The following SHPK variants were observed in gnomAD, a reference collection of about 807,000 sequenced individuals.
The protein encoded by SHPK is sedoheptulokinase, also known as carbohydrate kinase-like protein.
In SHPK, 51 loss-of-function variants were observed where a neutral mutation model predicts 46.3. The observed-to-expected ratio is 1.10, with a 90% CI of 0.88 to 1.39. The LOEUF is 1.39. SHPK is among the 40% of genes most tolerant of loss of function. The pLI is 0.00. For missense variants in SHPK, 668 were observed against 641.3 expected (o/e 1.04, Z -0.45); for synonymous variants, 290 against 273.9 (o/e 1.06, Z -0.58).
At chr17:3,615,911 A>G (rs574881303) in intron 5 of SHPK, among the ~76,000 whole-genome samples, 1 of 146,490 alleles carries the variant, frequency 6.8e-6, no homozygotes, top group African/African-American at 2.6e-5. Flanking sequence ...CTGGAGTGCA[A>G]TGGTGCGATC....
At chr17:3,621,140 C>T (rs1217562388) in intron 5 of SHPK, 97 bp downstream of exon 5, 2 of 1,020,758 alleles carry the variant, frequency 2.0e-6, no homozygotes, top group African/African-American at 3.3e-5. Context: ...GATGCCAAGA[C>T]TGCTAAGCTC....
At chr17:3,626,879 G>A (rs1368817440) in intron 2 of SHPK, among the ~76,000 whole-genome samples, 2 of 151,220 alleles carry the variant, frequency 1.3e-5, no homozygotes. Context: ...TGGGTGACAA[G>A]AGCAAGACTC....
intron 2 of SHPK, 151 bp from the exon 3 acceptor site, chr17:3,624,382 T>G: frequency 2.8e-6 from 2 of 703,006 alleles, no homozygotes; most frequent in Middle Eastern, 3.9e-4. Flanking sequence ...TAGCACTGGC[T>G]TTAGTACTTG....
At position 3,636,015 on chromosome 17, in the gene SHPK, C is replaced by T. The variant is rs764782028; in HGVS notation, c.168+37G>A. 1.0e-4 allele frequency: 158 copies of T among 1,507,094 alleles called. No individual in the cohort carries two copies. The Middle Eastern group carries it at 3.5e-3, about 33-fold the overall frequency. The allele number at this position is 1,507,094 out of a possible 1,614,324, so 93.4% of individuals were successfully genotyped here. On this transcript the variant is annotated intron_variant, in intron 1 of 6. Coordinates refer to ENST00000225519, the MANE Select transcript of SHPK (RefSeq NM_013276.4). The stretch of plus-strand genomic sequence containing the variant: ...GGGGTGGAAAAGGGTGGTCAGGAGG[C>T]TCCTGGAGGCGGCGCGGCCCCGGGG...
chr17:3,630,316 G>C lies in SHPK; in HGVS notation c.199C>G (p.Gln67Glu), dbSNP rs1050170434. The C allele has an allele frequency of 6.2e-7, 1 of 1,613,290 alleles. No homozygotes were observed. Among genetic ancestry groups the C allele is most frequent in the Non-Finnish European group, 8.5e-7 (1 of 1,179,880 alleles). Residue 67 changes from glutamine (Q) to glutamate (E), a missense_variant, in exon 2 of 7, where the codon CAA becomes GAA. Transcript: ENST00000225519. ...GREQDVSRIL[Q>E]ALHECLAALP... ...GCAGCAAGGCACTCGTGTAGGGCTT[G>C]GAGGATTCTACTCACATCCTGCTCC...
At chr17:3,621,485 T>C in intron 4 of SHPK, 73 bp from the exon 5 acceptor site, 2 of 1,385,848 alleles carry the variant, frequency 1.4e-6, no homozygotes, top group Non-Finnish European at 2.0e-6. Context: ...CTTCCTTCCT[T>C]CCTCCCTTCC....
rs774951113 is a variant in SHPK at position 3,615,428 on chromosome 17, G to A, written c.933C>T (p.Asn311=). The A allele has an allele frequency of 9.9e-6, 16 of 1,614,062 alleles. No individual in the cohort carries two copies. The highest frequency in any genetic ancestry group is 1.3e-5 in the African/African-American group (1 of 74,916). Residue 311 remains asparagine, a synonymous_variant, in exon 6 of 7, where the codon AAC becomes AAT. Transcript: ENST00000225519. ...ACGCGGCCACCCCCAGGTAGGTCCT[G>A]TTGAAGTATGGGAAGTAGGCGACTG... ...TAPVAYFPYF[N]RTYLGVAASL... is the part of the protein sequence containing the mutation.
At chr17:3,632,594 G>T (rs2075479418) in intron 1 of SHPK, among the ~76,000 whole-genome samples, 1 of 152,176 alleles carries the variant, frequency 6.6e-6, no homozygotes, top group Non-Finnish European at 1.5e-5. Context: ...TTAGGGGCGG[G>T]TGTGATTGGG....
rs528447256 is a variant in SHPK at position 3,613,659 on chromosome 17, G to A, written c.1024+1678C>T. On this transcript the variant is annotated intron_variant, in intron 6 of 6. Coordinates refer to ENST00000225519, the MANE Select transcript of SHPK (RefSeq NM_013276.4). ...GCTGGGATTACAGGCATGAGCCACCGCGCCTGGCTATTTTATTTTTTAAAT... is the reference window on the plus strand; with the variant it reads ...GCTGGGATTACAGGCATGAGCCACCACGCCTGGCTATTTTATTTTTTAAAT... 1.2e-4 allele frequency among the ~76,000 whole-genome samples: 18 copies of A among 152,226 alleles called. No individual in the cohort carries two copies. In the East Asian group the frequency reaches 2.3e-3, roughly 20 times the overall value.
intron 1 of SHPK, among the ~76,000 whole-genome samples, chr17:3,634,571 CAAA>C (rs11311796): frequency 6.7e-5 from 6 of 89,760 alleles, no homozygotes; most frequent in Non-Finnish European, 4.3e-5. Flanking sequence ...GACCCTGTCT[CAAA>C]AAAAAAAAAA....
At position 3,636,247 on chromosome 17, in the gene SHPK, C is replaced by G. The variant is rs781454620; in HGVS notation, c.-28G>C. On this transcript the variant is annotated 5_prime_UTR_variant, in exon 1 of 7. Coordinates refer to ENST00000225519, the MANE Select transcript of SHPK (RefSeq NM_013276.4). ...TCTCCCTGACCCGCGCAGCTCCAGT[C>G]TGCAGCCAGCGGCCCCACAAGTCCG... The G allele has an allele frequency of 6.4e-7, 1 of 1,574,154 alleles. No homozygotes were observed. Among genetic ancestry groups the G allele is most frequent in the Admixed American group, 1.8e-5 (1 of 55,938 alleles).
Position 3,621,298 on chromosome 17 carries a change from T to A in SHPK, c.762A>T (p.Gly254=). ...AGGCCTGTAAATCACCCAAGGCCACTCCCACCTGCGTCCCCTTTGGGATTT... is the reference window on the plus strand; with the variant it reads ...AGGCCTGTAAATCACCCAAGGCCACACCCACCTGCGTCCCCTTTGGGATTT... ...WFEIPKGTQV[G]VALGDLQASV... Residue 254 remains glycine, a synonymous_variant, in exon 5 of 7, where the codon GGA becomes GGT. Coordinates refer to ENST00000225519, the MANE Select transcript of SHPK (RefSeq NM_013276.4). 1.2e-5 allele frequency: 20 copies of A among 1,614,062 alleles called. No individual in the cohort carries two copies. Among genetic ancestry groups the A allele is most frequent in the Non-Finnish European group, 1.7e-5 (20 of 1,179,994 alleles).
chr17:3,616,069 G>A (rs987962007), intron 5 of SHPK, among the ~76,000 whole-genome samples: 1 of 151,970 alleles, frequency 6.6e-6, no homozygotes, highest in African/African-American at 2.4e-5. Flanking sequence ...GGCCAGGATG[G>A]TCTCGAACTC....
chr17:3,633,886 A>G (rs959917038), intron 1 of SHPK, among the ~76,000 whole-genome samples: 3 of 151,928 alleles, frequency 2.0e-5, no homozygotes, highest in Non-Finnish European at 4.4e-5. Context: ...TGTAGAAAGA[A>G]GTAGACATGG....
At chr17:3,629,502 TG>T (rs1333312005) in intron 2 of SHPK, among the ~76,000 whole-genome samples, 1 of 151,726 alleles carries the variant, frequency 6.6e-6, no homozygotes, top group Non-Finnish European at 1.5e-5. Flanking sequence ...AGGCTGCCGG[TG>T]GATCATTTGA....
intron 1 of SHPK, among the ~76,000 whole-genome samples, chr17:3,634,988 A>G (rs946060248): frequency 1.3e-5 from 2 of 151,840 alleles, no homozygotes; most frequent in South Asian, 2.1e-4. Flanking sequence ...TCTGGCGAAC[A>G]TGGCGAAACC....
rs1386043704 is a variant in SHPK at position 3,623,450 on chromosome 17, T to TG, written c.535dup (p.His179ProfsTer68). 1 of 1,614,148 alleles carries TG rather than the reference T, an allele frequency of 6.2e-7. No homozygotes were observed. ...ACACAGCATGGCAACCACATAGTCG[T>TG]GGATGGTACCGGCTGCGTCGTAGGA... On this transcript the variant is annotated frameshift_variant, in exon 4 of 7. Transcript: ENST00000225519. LOFTEE classifies it high-confidence loss of function.
intron 4 of SHPK, 100 bp from the exon 5 acceptor site, chr17:3,621,512 C>T: frequency 9.0e-7 from 1 of 1,113,028 alleles, no homozygotes. Context: ...CCATTCCTCC[C>T]TCCCTTCTTC....
At chr17:3,621,185 T>C in intron 5 of SHPK, 52 bp downstream of exon 5, 3 of 1,475,294 alleles carry the variant, frequency 2.0e-6, no homozygotes, top group South Asian at 1.3e-5. Context: ...AGCTGGTGCT[T>C]ATGAGGCAGG....
Sources: gnomAD v4.1 joint callset for allele counts (sites outside exome capture counted in the v4.1 genomes callset) on GRCh38, gnomAD v4.1.1 for gene constraint, MANE v1.5 for transcripts, NCBI Gene and HGNC (gene_info 2026-07-23, HGNC 2026-07-21) for gene names.